Variants in MAP3K20 observed in about 807,000 individuals in gnomAD.
MAP3K20 encodes HCCS-4.
Under a neutral mutation model 85.7 loss-of-function variants are expected in MAP3K20, and 40 were observed. The observed-to-expected ratio is 0.47, with a 90% CI of 0.36 to 0.61. The LOEUF (loss-of-function observed/expected upper bound fraction) is 0.61, where lower values mean the gene tolerates loss of function less well. MAP3K20 is among the 20% of genes least tolerant of loss of function. The pLI, the probability that MAP3K20 is intolerant of heterozygous loss-of-function variation, is 0.00. For synonymous variants in MAP3K20, 325 were observed against 327.7 expected (o/e 0.99, Z 0.09); for missense variants, 817 against 961.7 (o/e 0.85, Z 1.99).
chr2:173,115,917 A>G (rs1000086446), intron 2 of MAP3K20, among the ~76,000 whole-genome samples: 5 of 152,122 alleles, frequency 3.3e-5, no homozygotes, highest in Non-Finnish European at 7.4e-5. Context: ...TTAACCAGAA[A>G]CATGGCTGGG....
At chr2:173,248,483 C>A (rs1462635248) in intron 16 of MAP3K20, among the ~76,000 whole-genome samples, 1 of 152,222 alleles carries the variant, frequency 6.6e-6, no homozygotes, top group Non-Finnish European at 1.5e-5. Flanking sequence ...AATTTTACAA[C>A]TGCATAAGTC....
chr2:173,243,547 G>C (rs1329893005), intron 16 of MAP3K20, among the ~76,000 whole-genome samples: 1 of 152,184 alleles, frequency 6.6e-6, no homozygotes, highest in Admixed American at 6.5e-5. Flanking sequence ...ACCAGAAAAA[G>C]CACTGTCTTA....
chr2:173,177,420 G>A (rs1399785964), intron 3 of MAP3K20, among the ~76,000 whole-genome samples: 2 of 149,104 alleles, frequency 1.3e-5, no homozygotes, highest in Admixed American at 1.3e-4. Flanking sequence ...ATACCTACTG[G>A]GTCAAAGAAG....
At chr2:173,153,752 A>G (rs949433323) in intron 2 of MAP3K20, among the ~76,000 whole-genome samples, 8 of 152,188 alleles carry the variant, frequency 5.3e-5, no homozygotes, top group Admixed American at 1.3e-4. Context: ...TCCTTTGTAT[A>G]AAATGATGTA....
chr2:173,120,126 A>G (rs1688239198), intron 2 of MAP3K20, among the ~76,000 whole-genome samples: 2 of 152,168 alleles, frequency 1.3e-5, no homozygotes, highest in Admixed American at 1.3e-4. Flanking sequence ...CAAAGGGAAA[A>G]TCCCCAAAGC....
chr2:173,147,227 T>G (rs1014024240), intron 2 of MAP3K20, among the ~76,000 whole-genome samples: 2 of 152,246 alleles, frequency 1.3e-5, no homozygotes, highest in African/African-American at 4.8e-5. Context: ...AGTTTAACTT[T>G]CGTTGCTTGT....
chr2:173,195,547 C>G (rs894375516), intron 7 of MAP3K20, among the ~76,000 whole-genome samples: 1 of 152,158 alleles, frequency 6.6e-6, no homozygotes, highest in African/African-American at 2.4e-5. Flanking sequence ...ATCCTCATAA[C>G]TGGTATTTTT....
rs1043325408 is a variant in MAP3K20 at position 173,266,881 on chromosome 2, A to G, written c.*131A>G. ...AACACTTCCAGTTTTTGGATTGGGA[A>G]ATACCTTCTAATTGAGACTATAGCC... On this transcript the variant is annotated 3_prime_UTR_variant, in exon 20 of 20. Coordinates refer to ENST00000375213, the MANE Select transcript of MAP3K20 (RefSeq NM_016653.3). The G allele has an allele frequency of 8.5e-6, 8 of 942,900 alleles. No homozygotes were observed. The Admixed American group carries it at 1.1e-4, about 13-fold the overall frequency. The allele number at this position is 942,900 out of a possible 1,614,324, so 58.4% of individuals were successfully genotyped here. A position where few individuals can be genotyped will look rare whatever the true frequency, so the allele number is the denominator to read the frequency against.
intron 2 of MAP3K20, among the ~76,000 whole-genome samples, chr2:173,101,884 A>G (rs1160319740): frequency 6.6e-6 from 1 of 152,172 alleles, no homozygotes; most frequent in Non-Finnish European, 1.5e-5. Context: ...TGCTTGACTC[A>G]TACTCCCGGT....
chr2:173,171,776 G>C (rs1690006821), intron 3 of MAP3K20, among the ~76,000 whole-genome samples: 1 of 152,104 alleles, frequency 6.6e-6, no homozygotes, highest in Non-Finnish European at 1.5e-5. Context: ...TCCCTGTAGA[G>C]CCAGTAAGTA....
At chr2:173,162,707 T>C (rs1483952039) in intron 2 of MAP3K20, among the ~76,000 whole-genome samples, 2 of 144,120 alleles carry the variant, frequency 1.4e-5, no homozygotes, top group African/African-American at 5.1e-5. Context: ...AAAAAAAAAA[T>C]TGGTGAGGAC....
intron 4 of MAP3K20, among the ~76,000 whole-genome samples, chr2:173,187,135 A>G (rs1443280513): frequency 6.6e-6 from 1 of 152,206 alleles, no homozygotes; most frequent in African/African-American, 2.4e-5. Flanking sequence ...GTAACTGGAC[A>G]TCAGAATCTG....
intron 9 of MAP3K20, among the ~76,000 whole-genome samples, chr2:173,209,429 AAG>A (rs917559796): frequency 2.6e-5 from 4 of 152,226 alleles, no homozygotes; most frequent in African/African-American, 4.8e-5. Flanking sequence ...GAGTTCTTAA[AAG>A]AGAGAATTAG....
intron 2 of MAP3K20, among the ~76,000 whole-genome samples, chr2:173,108,663 G>A (rs1486307963): frequency 6.6e-6 from 1 of 152,150 alleles, no homozygotes; most frequent in Admixed American, 6.5e-5. Context: ...CTTTCTTGGT[G>A]GAAGTCTAAA....
At chr2:173,238,545 T>A (rs1405538188) in intron 15 of MAP3K20, 110 bp downstream of exon 15, 2 of 984,114 alleles carry the variant, frequency 2.0e-6, no homozygotes, top group Admixed American at 2.5e-5. Flanking sequence ...GAAGTGAAAT[T>A]TCATCATATC....
At chr2:173,234,328 G>A (rs886147260) in intron 14 of MAP3K20, among the ~76,000 whole-genome samples, 11 of 152,140 alleles carry the variant, frequency 7.2e-5, no homozygotes, top group Non-Finnish European at 1.5e-4. Flanking sequence ...GGCAAGCGAA[G>A]TCCAGACTTA....
At chr2:173,134,426 A>ATTTTT (rs1457014949) in intron 2 of MAP3K20, among the ~76,000 whole-genome samples, 9 of 4,672 alleles carry the variant, frequency 1.9e-3, no homozygotes, top group East Asian at 0.018. Flanking sequence ...ATATATATAT[A>ATTTTT]TATTTTTTTT....
intron 2 of MAP3K20, among the ~76,000 whole-genome samples, chr2:173,124,027 G>T (rs1374595837): frequency 1.3e-5 from 2 of 152,146 alleles, no homozygotes; most frequent in Non-Finnish European, 2.9e-5. Context: ...CCTTGTTTCT[G>T]TTGGCACTTC....
At chr2:173,143,575 G>A (rs1273230485) in intron 2 of MAP3K20, among the ~76,000 whole-genome samples, 1 of 152,210 alleles carries the variant, frequency 6.6e-6, no homozygotes, top group East Asian at 1.9e-4. Flanking sequence ...TTAACTCAAC[G>A]GGGAAATATT....
Sources: allele counts gnomAD v4.1 joint callset (sites outside exome capture counted in the v4.1 genomes callset), GRCh38; gene constraint gnomAD v4.1.1; transcripts MANE v1.5; gene names NCBI Gene and HGNC (gene_info 2026-07-23, HGNC 2026-07-21).